SORCS3: variants seen among roughly 807,000 people sequenced by gnomAD.
SORCS3 encodes sortilin related VPS10 domain containing receptor 3.
SORCS3 carries 57 observed loss-of-function variants against 146.3 expected under a neutral mutation model. That is an observed-to-expected ratio of 0.39 (90% CI 0.31 to 0.49). The LOEUF (loss-of-function observed/expected upper bound fraction) is 0.49, where lower values mean the gene tolerates loss of function less well. SORCS3 is among the 20% of genes least tolerant of loss of function. The pLI is 0.92. For synonymous variants in SORCS3, 653 were observed against 618.5 expected, an observed-to-expected ratio of 1.06 and a Z score of -0.83; for missense variants, 1,341 against 1,575.5, an observed-to-expected ratio of 0.85 and a Z score of 2.52.
chr10:105,023,590 G>T (rs529908522), intron 4 of SORCS3, among the ~76,000 whole-genome samples: 1 of 152,138 alleles, frequency 6.6e-6, no homozygotes, highest in African/African-American at 2.4e-5. Context: ...TGTTTGAGTC[G>T]CAGGCTGTGC....
chr10:104,850,548 C>T (rs1274685738), intron 2 of SORCS3, among the ~76,000 whole-genome samples: 1 of 152,186 alleles, frequency 6.6e-6, no homozygotes, highest in Admixed American at 6.5e-5. Context: ...TCAGCTACTG[C>T]ACTCCAACCT....
chr10:104,667,735 A>G (rs1196975702), intron 1 of SORCS3, among the ~76,000 whole-genome samples: 1 of 152,188 alleles, frequency 6.6e-6, no homozygotes, highest in Non-Finnish European at 1.5e-5. Context: ...CGTTGTTTGC[A>G]TAGGTTCATT....
chr10:105,046,975 A>T (rs1277083342), intron 5 of SORCS3, among the ~76,000 whole-genome samples: 1 of 151,984 alleles, frequency 6.6e-6, no homozygotes, highest in Non-Finnish European at 1.5e-5. Flanking sequence ...TATTCCCTTC[A>T]TTCTTCCTAG....
chr10:104,720,083 G>C (rs151193225), intron 1 of SORCS3, among the ~76,000 whole-genome samples: 1 of 151,684 alleles, frequency 6.6e-6, no homozygotes, highest in African/African-American at 2.4e-5. Context: ...CTGTTAACTC[G>C]TCATTTAACA....
intron 14 of SORCS3, among the ~76,000 whole-genome samples, chr10:105,183,874 G>T (rs1294678267): frequency 6.6e-6 from 1 of 152,172 alleles, no homozygotes; most frequent in Non-Finnish European, 1.5e-5. Flanking sequence ...GGGCTCAGGG[G>T]GAGGGATGGT....
chr10:104,739,416 C>T (rs1404318290), intron 1 of SORCS3, among the ~76,000 whole-genome samples: 1 of 152,178 alleles, frequency 6.6e-6, no homozygotes, highest in African/African-American at 2.4e-5. Flanking sequence ...CATGACTGCT[C>T]CAGCTCTCTG....
rs3976798 is a variant in SORCS3 at position 104,751,969 on chromosome 10, A to ATATATATG, written c.628-90823_628-90822insTATATATG. Among the ~76,000 whole-genome samples the ATATATATG allele has an allele frequency of 2.4e-5, 3 of 123,370 alleles. 1 individual carries two copies. The highest frequency in any genetic ancestry group is 5.7e-4 in the South Asian group (2 of 3,526). 80.9% of individuals were successfully genotyped at this position (123,370 alleles called of 152,430 possible). A position where few individuals can be genotyped will look rare whatever the true frequency, so the allele number is the denominator to read the frequency against. On this transcript the variant is annotated intron_variant, in intron 1 of 26. Transcript: ENST00000369701. Reference sequence around the variant, plus strand: ...TATATATATATATATATATATATATAATAGTTTAGCAGCAGGAATGAGGTT... The same window carrying ATATATATG: ...TATATATATATATATATATATATATATATATATGATAGTTTAGCAGCAGGAATGAGGTT...
At chr10:105,139,525 G>T (rs1268950783) in intron 8 of SORCS3, 39 bp downstream of exon 8, 2 of 1,505,964 alleles carry the variant, frequency 1.3e-6, no homozygotes, top group African/African-American at 2.7e-5. Flanking sequence ...GTCCCTCTAG[G>T]CAAAGGGAGG....
chr10:104,735,456 G>GTTTTTTGTTTTTTTTT (rs556829469), intron 1 of SORCS3, among the ~76,000 whole-genome samples: 1 of 34,994 alleles, frequency 2.9e-5, no homozygotes, highest in Non-Finnish European at 4.8e-5. Flanking sequence ...CTCACCGTCT[G>GTTTTTTGTTTTTTTTT]TTTTTTTTTT....
At chr10:105,166,153 TA>T (rs1345401433) in intron 12 of SORCS3, among the ~76,000 whole-genome samples, 1 of 152,100 alleles carries the variant, frequency 6.6e-6, no homozygotes, top group Non-Finnish European at 1.5e-5. Flanking sequence ...GATAAATATG[TA>T]AAAAAAGAGG....
At chr10:105,102,477 T>C (rs1173886815) in intron 6 of SORCS3, among the ~76,000 whole-genome samples, 2 of 152,120 alleles carry the variant, frequency 1.3e-5, no homozygotes, top group Non-Finnish European at 2.9e-5. Flanking sequence ...GAGCTAAACA[T>C]TGAGTACATA....
chr10:104,882,318 C>T (rs1469298757), intron 2 of SORCS3, among the ~76,000 whole-genome samples: 1 of 152,096 alleles, frequency 6.6e-6, no homozygotes, highest in East Asian at 1.9e-4. Flanking sequence ...GGCTTTGAAG[C>T]ATGATCAAAA....
intron 14 of SORCS3, among the ~76,000 whole-genome samples, chr10:105,182,821 G>A (rs2119572498): frequency 6.6e-6 from 1 of 152,110 alleles, no homozygotes; most frequent in African/African-American, 2.4e-5. Flanking sequence ...TCCTACCTCA[G>A]CCTCCCAAGT....
intron 1 of SORCS3, among the ~76,000 whole-genome samples, chr10:104,738,967 G>C (rs183464536): frequency 6.6e-6 from 1 of 152,300 alleles, no homozygotes; most frequent in African/African-American, 2.4e-5. Flanking sequence ...ATGAGCTGCA[G>C]AGATGAATGT....
At chr10:104,932,322 G>A (rs979423172) in intron 3 of SORCS3, among the ~76,000 whole-genome samples, 1 of 152,306 alleles carries the variant, frequency 6.6e-6, no homozygotes, top group South Asian at 2.1e-4. Context: ...TCTCACGGCT[G>A]CTTGCATTTG....
intron 6 of SORCS3, among the ~76,000 whole-genome samples, chr10:105,090,569 A>G (rs1018235384): frequency 1.3e-5 from 2 of 152,252 alleles, no homozygotes; most frequent in African/African-American, 4.8e-5. Flanking sequence ...ACAAAAATAT[A>G]TAAAAATATA....
At chr10:104,826,362 C>T (rs969062903) in intron 1 of SORCS3, among the ~76,000 whole-genome samples, 4 of 151,992 alleles carry the variant, frequency 2.6e-5, no homozygotes, top group African/African-American at 9.7e-5. Flanking sequence ...TCATCTACAC[C>T]CCATTAGGTA....
chr10:105,216,560 G>A (rs35369964), intron 18 of SORCS3, among the ~76,000 whole-genome samples: 1,677 of 152,102 alleles, frequency 0.011, 12 homozygotes, highest in Non-Finnish European at 0.018. Flanking sequence ...AAAAAACCTC[G>A]GTAACTATTA....
chr10:105,167,159 A>G, intron 12 of SORCS3, 99 bp from the exon 13 acceptor site: 1 of 917,584 alleles, frequency 1.1e-6, no homozygotes, highest in East Asian at 2.5e-5. Flanking sequence ...AAGGCTCAGA[A>G]CCTAGATGAA....
Sources: gnomAD v4.1 joint callset for allele counts (sites outside exome capture counted in the v4.1 genomes callset) on GRCh38, gnomAD v4.1.1 for gene constraint, MANE v1.5 for transcripts, NCBI Gene and HGNC (gene_info 2026-07-23, HGNC 2026-07-21) for gene names.